Variants in NTRK2 observed in about 807,000 individuals in gnomAD.
The protein encoded by NTRK2 is BDNF/NT-3 growth factors receptor.
NTRK2 carries 13 observed loss-of-function variants against 94.5 expected under a neutral mutation model. The observed-to-expected ratio is 0.14, with a 90% CI of 0.09 to 0.22. The LOEUF (loss-of-function observed/expected upper bound fraction) is 0.22. Ranked by LOEUF, NTRK2 falls within the 10% of genes least tolerant of loss-of-function variation. The pLI is 1.00. For missense variants in NTRK2, 639 were observed against 1,071.2 expected (o/e 0.60, Z 5.63); for synonymous variants, 372 against 407.4 (o/e 0.91, Z 1.05).
intron 12 of NTRK2, among the ~76,000 whole-genome samples, chr9:84,759,294 T>C (rs1018640583): frequency 1.3e-5 from 2 of 152,234 alleles, no homozygotes; most frequent in Non-Finnish European, 2.9e-5. Flanking sequence ...TCTGTCTATC[T>C]GAGAGCAGAA....
At chr9:84,847,487 C>T (rs1186633140) in intron 12 of NTRK2, among the ~76,000 whole-genome samples, 1 of 152,146 alleles carries the variant, frequency 6.6e-6, no homozygotes, top group Admixed American at 6.5e-5. Flanking sequence ...GGCTCTTTTC[C>T]ATTTGGGTGG....
At chr9:84,980,599 G>A (rs1827470806) in intron 17 of NTRK2, among the ~76,000 whole-genome samples, 1 of 152,214 alleles carries the variant, frequency 6.6e-6, no homozygotes, top group Non-Finnish European at 1.5e-5. Flanking sequence ...GTCCCTAGGT[G>A]TGAGTCTGTA....
intron 12 of NTRK2, among the ~76,000 whole-genome samples, chr9:84,854,946 CAAAAAAAAAAAA>C (rs149925184): frequency 1.6e-5 from 1 of 63,364 alleles, no homozygotes; most frequent in Non-Finnish European, 2.7e-5. Flanking sequence ...GACTCCGTCT[CAAAAAAAAAAAA>C]AAAAAAAAAA....
chr9:84,974,384 T>C (rs1020604509), intron 17 of NTRK2, among the ~76,000 whole-genome samples: 8 of 152,192 alleles, frequency 5.3e-5, no homozygotes, highest in Admixed American at 5.2e-4. Flanking sequence ...CTTGTGCTAC[T>C]TGGTGGTGTG....
At chr9:84,693,212 C>T (rs1295454655) in intron 2 of NTRK2, among the ~76,000 whole-genome samples, 1 of 152,214 alleles carries the variant, frequency 6.6e-6, no homozygotes, top group Non-Finnish European at 1.5e-5. Flanking sequence ...TGACCTCTGG[C>T]TGATCATCAG....
intron 12 of NTRK2, among the ~76,000 whole-genome samples, chr9:84,839,797 G>A (rs1207959555): frequency 6.6e-6 from 1 of 152,210 alleles, no homozygotes; most frequent in African/African-American, 2.4e-5. Flanking sequence ...GGCAGCGTGT[G>A]AGGAGTCTGC....
intron 6 of NTRK2, among the ~76,000 whole-genome samples, chr9:84,719,079 C>A (rs1376088585): frequency 6.6e-6 from 1 of 152,018 alleles, no homozygotes; most frequent in African/African-American, 2.4e-5. Context: ...TGAAATAATT[C>A]CTTTATCAAG....
At chr9:85,002,283 G>C (rs982923472) in intron 17 of NTRK2, among the ~76,000 whole-genome samples, 1 of 152,178 alleles carries the variant, frequency 6.6e-6, no homozygotes, top group Non-Finnish European at 1.5e-5. Flanking sequence ...ATGACTATCA[G>C]AATGAGGCCA....
chr9:84,815,210 T>G (rs911207104), intron 12 of NTRK2: 1 of 1,056,928 alleles, frequency 9.5e-7, no homozygotes, highest in African/African-American at 1.7e-5. Flanking sequence ...GAATTCAGGC[T>G]AGTGTTGCAG....
At chr9:84,797,259 A>C (rs1165246459) in intron 12 of NTRK2, among the ~76,000 whole-genome samples, 1 of 151,948 alleles carries the variant, frequency 6.6e-6, no homozygotes, top group Non-Finnish European at 1.5e-5. Context: ...TTTTACTGGA[A>C]CACACCGACT....
chr9:84,974,318 C>T (rs1468824444), intron 17 of NTRK2, among the ~76,000 whole-genome samples: 1 of 152,304 alleles, frequency 6.6e-6, no homozygotes, highest in African/African-American at 2.4e-5. Context: ...GATAAGGTGG[C>T]AAATGAATCA....
At chr9:84,987,498 T>C (rs1027354077) in intron 17 of NTRK2, among the ~76,000 whole-genome samples, 4 of 152,214 alleles carry the variant, frequency 2.6e-5, no homozygotes, top group Non-Finnish European at 5.9e-5. Context: ...CTTTTCTTTA[T>C]ATTTCCCTCC....
chr9:84,958,589 T>A (rs1389167860), intron 17 of NTRK2, among the ~76,000 whole-genome samples: 1 of 152,146 alleles, frequency 6.6e-6, no homozygotes, highest in Non-Finnish European at 1.5e-5. Context: ...GTTGCAGTTG[T>A]AGGGTTAGTT....
chr9:84,978,833 C>T (rs1405491804), intron 17 of NTRK2, among the ~76,000 whole-genome samples: 1 of 152,174 alleles, frequency 6.6e-6, no homozygotes, highest in Non-Finnish European at 1.5e-5. Flanking sequence ...ATTTACCATT[C>T]CAAAAATACT....
chr9:84,973,163 A>G (rs1013480349), intron 17 of NTRK2, among the ~76,000 whole-genome samples: 3 of 152,244 alleles, frequency 2.0e-5, no homozygotes, highest in Non-Finnish European at 4.4e-5. Context: ...GAGAATGTTC[A>G]AATGTTCACA....
At chr9:84,680,751 T>C (rs1587890955) in intron 2 of NTRK2, among the ~76,000 whole-genome samples, 1 of 152,270 alleles carries the variant, frequency 6.6e-6, no homozygotes, top group African/African-American at 2.4e-5. Flanking sequence ...TTATGTCTAT[T>C]TTCCTATCTC....
At chr9:84,988,142 C>A (rs560139258) in intron 17 of NTRK2, among the ~76,000 whole-genome samples, 95 of 152,302 alleles carry the variant, frequency 6.2e-4, no homozygotes, top group African/African-American at 2.2e-3. Flanking sequence ...GCTTGAGCTA[C>A]ATCTTGAAGG....
Position 85,024,089 on chromosome 9 carries a change from CAA to C in NTRK2, c.*2654_*2655del, listed in dbSNP as rs1324313698. The C allele has an allele frequency of 4.4e-6, 1 of 229,458 alleles. No individual in the cohort carries two copies. Among genetic ancestry groups the C allele is most frequent in the Non-Finnish European group, 8.6e-6 (1 of 115,800 alleles). The allele number at this position is 229,458 out of a possible 1,614,324, so 14.2% of individuals were successfully genotyped here. A position where few individuals can be genotyped will look rare whatever the true frequency, so the allele number is the denominator to read the frequency against. ...TGAAATAAAAGGTTCTATGCAAGTG[CAA>C]AGTTTTATAGTTATTTTTATTGCTG... On this transcript the variant is annotated 3_prime_UTR_variant, in exon 19 of 19. Transcript: ENST00000277120.
At chr9:84,970,655 T>G (rs774248973) in intron 17 of NTRK2, among the ~76,000 whole-genome samples, 1 of 152,132 alleles carries the variant, frequency 6.6e-6, no homozygotes, top group Admixed American at 6.5e-5. Flanking sequence ...CCCACATTAC[T>G]CCACCTCTCA....
Sources: allele counts gnomAD v4.1 joint callset (sites outside exome capture counted in the v4.1 genomes callset), GRCh38; gene constraint gnomAD v4.1.1; transcripts MANE v1.5; gene names NCBI Gene and HGNC (gene_info 2026-07-23, HGNC 2026-07-21).